Variants in TCN2 observed in about 807,000 individuals in gnomAD.
The protein encoded by TCN2 is transcobalamin-2.
Under a neutral mutation model 48.6 loss-of-function variants are expected in TCN2, and 34 were observed. That is an observed-to-expected ratio of 0.70 (90% CI 0.53 to 0.93). The LOEUF is 0.93. Ranked by LOEUF, TCN2 falls within the 40% of genes least tolerant of loss-of-function variation. TCN2 has a pLI of 0.00. For missense variants in TCN2, 652 were observed against 526.1 expected (o/e 1.24, Z -2.34); for synonymous variants, 283 against 212.5 (o/e 1.33, Z -2.89).
chr22:30,621,428 C>G (rs564835902), intron 7 of TCN2, among the ~76,000 whole-genome samples: 2 of 152,070 alleles, frequency 1.3e-5, no homozygotes, highest in Non-Finnish European at 2.9e-5. Context: ...GTCTCACCTC[C>G]TTTTCAGTCA....
At position 30,607,218 on chromosome 22, in the gene TCN2, C is replaced by T; in HGVS notation, c.-114C>T. On this transcript the variant is annotated 5_prime_UTR_variant, in exon 1 of 9. Coordinates refer to ENST00000215838, the MANE Select transcript of TCN2 (RefSeq NM_000355.4). ...GCAGGCATGGAGGATTAATCAGTGA[C>T]AGGAAGCTGCGTCTCTCGGAGCGGT... 3.5e-6 allele frequency: 4 copies of T among 1,138,290 alleles called. No individual in the cohort carries two copies. The highest frequency in any genetic ancestry group is 5.3e-6 in the Non-Finnish European group (4 of 753,488). 70.5% of individuals were successfully genotyped at this position (1,138,290 alleles called of 1,614,324 possible).
Position 30,610,924 on chromosome 22 carries a change from C to G in TCN2, c.118C>G (p.Pro40Ala), listed in dbSNP as rs1602043528. 6.2e-7 allele frequency: 1 copy of G among 1,614,190 alleles called. No homozygotes were observed. The highest frequency in any genetic ancestry group is 1.1e-5 in the South Asian group (1 of 91,088). ...AGAGAAGTTGGGCCAGCACCTCTTACCTTGGATGGACCGGCTTTCCCTGGA... is the reference window on the plus strand; with the variant it reads ...AGAGAAGTTGGGCCAGCACCTCTTAGCTTGGATGGACCGGCTTTCCCTGGA... Reference protein sequence around the residue: ...LVEKLGQHLLPWMDRLSLEHL... With the variant: ...LVEKLGQHLLAWMDRLSLEHL... The change falls in exon 2 of 9, where the codon CCT becomes GCT. Residue 40 changes from proline to alanine, a missense_variant. Physicochemically the swap from Pro to Ala is conservative, Grantham distance 27. Transcript: ENST00000215838.
chr22:30,626,438 C>G (rs756704050), intron 8 of TCN2, 22 bp from the exon 9 acceptor site: 3 of 1,614,074 alleles, frequency 1.9e-6, no homozygotes, highest in African/African-American at 1.3e-5. Context: ...TTCGCCCCTC[C>G]TTGCTCAATC....
In TCN2 at chr22:30,612,991, A is replaced by C. The variant is rs552020145; in HGVS notation, c.376A>C (p.Arg126=). ...GTTTGTCAGGGGCCACAAGGGGGAC[A>C]GGCTGGTCTCACAGCTCAAATGGTT... ...CEFVRGHKGD[R]LVSQLKWFLE... The change falls in exon 3 of 9, where the codon AGG becomes CGG. Residue 126 remains arginine, a synonymous_variant. Transcript: ENST00000215838. 6.2e-7 allele frequency: 1 copy of C among 1,614,238 alleles called. No individual in the cohort carries two copies. The highest frequency in any genetic ancestry group is 8.5e-7 in the Non-Finnish European group (1 of 1,180,036).
At chr22:30,609,006 C>T (rs1396669259) in intron 1 of TCN2, among the ~76,000 whole-genome samples, 1 of 151,984 alleles carries the variant, frequency 6.6e-6, no homozygotes, top group East Asian at 1.9e-4. Context: ...AGAATGCTCC[C>T]CTGCCTTCCT....
chr22:30,626,131 A>T (rs1475468169), intron 8 of TCN2, among the ~76,000 whole-genome samples: 4 of 151,890 alleles, frequency 2.6e-5, no homozygotes, highest in African/African-American at 9.7e-5. Context: ...GTGAAAGCTG[A>T]CTCCTGGGAG....
chr22:30,624,334 A>T (rs1191020810), intron 8 of TCN2, among the ~76,000 whole-genome samples: 1 of 151,918 alleles, frequency 6.6e-6, no homozygotes. Context: ...TCAGCCTCCC[A>T]AAGTGCTGGG....
In TCN2 at chr22:30,622,862, G is replaced by A. The variant is rs777011315; in HGVS notation, c.1107-106G>A. ...GCCTGGGAAGGGTTTGACGAGTGTC[G>A]GCCCAAAGAGCTTGGAAGGGATTTT... On this transcript the variant is annotated intron_variant, in intron 7 of 8. Transcript: ENST00000215838. 97 of 1,198,714 alleles carry A rather than the reference G, an allele frequency of 8.1e-5. No individual in the cohort carries two copies. The East Asian group carries it at 1.2e-3, about 15-fold the overall frequency. The allele number at this position is 1,198,714 out of a possible 1,614,324, so 74.3% of individuals were successfully genotyped here.
chr22:30,621,116 C>T (rs1299086474), intron 7 of TCN2, among the ~76,000 whole-genome samples: 1 of 152,054 alleles, frequency 6.6e-6, no homozygotes, highest in Non-Finnish European at 1.5e-5. Flanking sequence ...CCTCAGCCTC[C>T]TGAGCAGCTG....
rs142689742 is a variant in TCN2 at position 30,615,729 on chromosome 22, C to T, written c.882C>T (p.Pro294=). The change falls in exon 6 of 9, where the codon CCC becomes CCT. Residue 294 remains proline, a synonymous_variant. Transcript: ENST00000215838. ...CTCTCATGATTTCCCAGCTGCTGCC[C>T]GTTCTGAACCACAAGACCTACATTG... is the stretch of plus-strand genomic sequence containing the variant. ...QNALMISQLL[P]VLNHKTYIDL... is the part of the protein sequence containing the mutation. The T allele has an allele frequency of 2.6e-4, 418 of 1,614,196 alleles. No individual in the cohort carries two copies. The highest frequency in any genetic ancestry group is 3.3e-4 in the Non-Finnish European group (391 of 1,180,036).
chr22:30,617,978 T>C (rs576912101), intron 7 of TCN2, among the ~76,000 whole-genome samples: 1 of 152,202 alleles, frequency 6.6e-6, no homozygotes, highest in Non-Finnish European at 1.5e-5. Flanking sequence ...CTCAATCTTA[T>C]CACCCAGGCT....
rs1267479189 is a variant in TCN2 at position 30,623,795 on chromosome 22, TACACAC to T, written c.1222+714_1222+719del. Among the ~76,000 whole-genome samples the T allele has an allele frequency of 1.1e-3, 4 of 3,744 alleles. 1 individual carries two copies. In the African/African-American group the frequency reaches 0.011, roughly 11 times the overall value. The allele number at this position is 3,744 out of a possible 152,430, so 2.5% of individuals were successfully genotyped here. A position where few individuals can be genotyped will look rare whatever the true frequency, so the allele number is the denominator to read the frequency against. On this transcript the variant is annotated intron_variant, in intron 8 of 8. Transcript: ENST00000215838. ...ACACACATATATATGTATACATATA[TACACAC>T]ATACACATATATACACACACATACA...
chr22:30,622,822 A>G (rs1036895388), intron 7 of TCN2, 146 bp from the exon 8 acceptor site: 4 of 789,272 alleles, frequency 5.1e-6, no homozygotes, highest in Admixed American at 2.0e-5. Context: ...GAGATCACAG[A>G]CCTGTGGCCA....
intron 8 of TCN2, among the ~76,000 whole-genome samples, chr22:30,623,711 TACAG>T (rs200689569): frequency 0.078 from 9,265 of 118,216 alleles, 747 homozygotes; most frequent in Admixed American, 0.1. Context: ...TATATATATA[TACAG>T]ACACACATAT....
chr22:30,610,849 T>TTG (rs1421420540), intron 1 of TCN2, 22 bp from the exon 2 acceptor site: 1 of 1,614,148 alleles, frequency 6.2e-7, no homozygotes, highest in African/African-American at 1.3e-5. Context: ...GTGACCTCAT[T>TTG]TGTACCATTT....
rs371761297 is a variant in TCN2 at position 30,614,334 on chromosome 22, T to C, written c.428-15T>C. ...GGGGGCAGAGAGGCAACCCCTCTGT[T>C]TTTTTCCCTCTCAGGGCATGATCAC... On this transcript the variant is annotated splice_polypyrimidine_tract_variant and intron_variant, in intron 3 of 8. Coordinates refer to ENST00000215838, the MANE Select transcript of TCN2 (RefSeq NM_000355.4). 9.5e-5 allele frequency: 154 copies of C among 1,613,838 alleles called. No individual in the cohort carries two copies. Among genetic ancestry groups the C allele is most frequent in the Non-Finnish European group, 1.2e-4 (144 of 1,179,928 alleles).
At chr22:30,618,194 C>T (rs1701780002) in intron 7 of TCN2, among the ~76,000 whole-genome samples, 1 of 150,626 alleles carries the variant, frequency 6.6e-6, no homozygotes, top group African/African-American at 2.4e-5. Context: ...AAACCATCCT[C>T]ACACCTGAGG....
At position 30,624,064 on chromosome 22, in the gene TCN2, A is replaced by ATATATG. The variant is rs1569047307; in HGVS notation, c.1222+986_1222+987insGTATAT. Among the ~76,000 whole-genome samples the ATATATG allele has an allele frequency of 2.9e-3, 151 of 51,796 alleles. 40 individuals are homozygous for ATATATG. The highest frequency in any genetic ancestry group is 3.9e-3 in the Non-Finnish European group (101 of 26,012). The allele number at this position is 51,796 out of a possible 152,430, so 34.0% of individuals were successfully genotyped here. On this transcript the variant is annotated intron_variant, in intron 8 of 8. Transcript: ENST00000215838. ...TATATACACACACACACACACACAT[A>ATATATG]TATATATATATATATATTTTTTTTT... is the stretch of plus-strand genomic sequence containing the variant.
intron 8 of TCN2, among the ~76,000 whole-genome samples, chr22:30,623,971 CATATAT>C (rs59764733): frequency 6.0e-5 from 1 of 16,676 alleles, no homozygotes; most frequent in Non-Finnish European, 1.0e-4. Context: ...TATACACACA[CATATAT>C]ATGTATACAT....
Sources: allele counts gnomAD v4.1 joint callset (sites outside exome capture counted in the v4.1 genomes callset), GRCh38; gene constraint gnomAD v4.1.1; transcripts MANE v1.5; gene names NCBI Gene and HGNC (gene_info 2026-07-23, HGNC 2026-07-21).